The following ATG10 variants were observed in gnomAD, a reference collection of about 807,000 sequenced individuals.
ATG10 encodes the protein autophagy related 10.
ATG10 carries 30 observed loss-of-function variants against 32.1 expected under a neutral mutation model. That is an observed-to-expected ratio of 0.94 (90% CI 0.70 to 1.27). The LOEUF (loss-of-function observed/expected upper bound fraction) is 1.27. Among genes scored for constraint, ATG10 ranks in the 50% most tolerant of loss-of-function variants. The pLI is 0.00. For missense variants in ATG10, 233 were observed against 262.3 expected (o/e 0.89, Z 0.77); for synonymous variants, 87 against 91.5 (o/e 0.95, Z 0.28).
At chr5:82,045,014 G>A (rs1763194393) in intron 2 of ATG10, among the ~76,000 whole-genome samples, 1 of 152,074 alleles carries the variant, frequency 6.6e-6, no homozygotes, top group Non-Finnish European at 1.5e-5. Context: ...AATACTCAGG[G>A]CTCTGTTTGG....
chr5:82,219,012 C>A (rs560209536), intron 5 of ATG10, among the ~76,000 whole-genome samples: 25 of 152,144 alleles, frequency 1.6e-4, no homozygotes, highest in Non-Finnish European at 7.4e-5. Flanking sequence ...TGCTAAGGAA[C>A]CGTCGCTAAT....
intron 3 of ATG10, among the ~76,000 whole-genome samples, chr5:82,074,694 C>G (rs1443436449): frequency 2.0e-5 from 3 of 152,100 alleles, no homozygotes; most frequent in African/African-American, 7.2e-5. Flanking sequence ...TCTGGTTGCT[C>G]CAAAATGATT....
intron 1 of ATG10, among the ~76,000 whole-genome samples, 192 bp from the exon 2 acceptor site, chr5:81,987,367 C>T (rs189730041): frequency 3.9e-3 from 588 of 152,288 alleles, no homozygotes; most frequent in Admixed American, 7.1e-3. Flanking sequence ...TCAAGCTGTC[C>T]TCCTGCTTTG....
chr5:82,224,621 A>T (rs1326434495), intron 5 of ATG10, among the ~76,000 whole-genome samples: 2 of 152,160 alleles, frequency 1.3e-5, no homozygotes, highest in East Asian at 1.9e-4. Context: ...AGGGAAAGAG[A>T]TGCTTGTGAA....
At chr5:82,145,330 T>C (rs1767309147) in intron 3 of ATG10, among the ~76,000 whole-genome samples, 1 of 152,162 alleles carries the variant, frequency 6.6e-6, no homozygotes, top group African/African-American at 2.4e-5. Context: ...CTGTTATTCC[T>C]GTTTCCTCTT....
chr5:81,975,019 C>G (rs1328327678), intron 1 of ATG10, among the ~76,000 whole-genome samples: 1 of 152,120 alleles, frequency 6.6e-6, no homozygotes, highest in East Asian at 1.9e-4. Context: ...TTCCTTAGGT[C>G]AAATTACTAC....
intron 3 of ATG10, among the ~76,000 whole-genome samples, chr5:82,133,884 C>G (rs1459395747): frequency 6.6e-6 from 1 of 151,842 alleles, no homozygotes; most frequent in Non-Finnish European, 1.5e-5. Context: ...TTCGTGTCCT[C>G]TCTTATTTCC....
At chr5:82,132,872 C>G (rs1417448665) in intron 3 of ATG10, among the ~76,000 whole-genome samples, 2 of 152,140 alleles carry the variant, frequency 1.3e-5, no homozygotes, top group African/African-American at 4.8e-5. Flanking sequence ...TAAAAGCATT[C>G]CTATTTCTCC....
intron 4 of ATG10, among the ~76,000 whole-genome samples, chr5:82,172,319 T>A (rs1043637083): frequency 1.3e-4 from 20 of 152,220 alleles, no homozygotes; most frequent in Non-Finnish European, 7.3e-5. Context: ...AAACTTTAGT[T>A]CTGATTCCTA....
At chr5:82,092,994 G>A (rs1764941279) in intron 3 of ATG10, among the ~76,000 whole-genome samples, 1 of 152,120 alleles carries the variant, frequency 6.6e-6, no homozygotes, top group Non-Finnish European at 1.5e-5. Flanking sequence ...AGAAACTCAA[G>A]ATCCCGATAA....
chr5:82,110,742 T>C (rs897283770), intron 3 of ATG10, among the ~76,000 whole-genome samples: 1 of 152,038 alleles, frequency 6.6e-6, no homozygotes, highest in Admixed American at 6.6e-5. Flanking sequence ...TTCTCCCATT[T>C]TGTAGGTTGC....
intron 3 of ATG10, among the ~76,000 whole-genome samples, chr5:82,108,546 T>TA (rs1443385958): frequency 6.6e-6 from 1 of 152,056 alleles, no homozygotes; most frequent in Admixed American, 6.6e-5. Context: ...GATTTGAAGA[T>TA]ATATATTGAA....
intron 1 of ATG10, among the ~76,000 whole-genome samples, chr5:81,986,032 G>T (rs1761259334): frequency 6.6e-6 from 1 of 152,060 alleles, no homozygotes; most frequent in South Asian, 2.1e-4. Flanking sequence ...CCAAAGTGCT[G>T]GGATTACAGG....
intron 5 of ATG10, among the ~76,000 whole-genome samples, chr5:82,220,505 G>A (rs1399095502): frequency 6.6e-6 from 1 of 151,884 alleles, no homozygotes; most frequent in Non-Finnish European, 1.5e-5. Context: ...CTCGTGATCT[G>A]CCTGCCTCGG....
intron 3 of ATG10, among the ~76,000 whole-genome samples, chr5:82,114,309 C>G (rs1434446169): frequency 2.0e-5 from 3 of 152,004 alleles, no homozygotes; most frequent in Non-Finnish European, 4.4e-5. Flanking sequence ...GTTACTTACT[C>G]TCTGCCATGG....
rs11346832 is a variant in ATG10 at position 82,153,910 on chromosome 5, ATT to A, written c.217-10474_217-10473del. Reference sequence around the variant, plus strand: ...CGATGGCAACTGTGGCCTGCTGCCTATTTTTTTTTTTTTTTTCTCTTTAGAGA... The same window carrying A: ...CGATGGCAACTGTGGCCTGCTGCCTATTTTTTTTTTTTTTCTCTTTAGAGA... On this transcript the variant is annotated intron_variant, in intron 3 of 7. Coordinates refer to ENST00000282185, the MANE Select transcript of ATG10 (RefSeq NM_031482.5). Among the ~76,000 whole-genome samples the A allele has an allele frequency of 3.0e-3, 390 of 130,036 alleles. 4 individuals carry two copies. The highest frequency in any genetic ancestry group is 4.4e-3 in the Admixed American group (57 of 12,914). The allele number at this position is 130,036 out of a possible 152,430, so 85.3% of individuals were successfully genotyped here. A position where few individuals can be genotyped will look rare whatever the true frequency, so the allele number is the denominator to read the frequency against.
chr5:82,189,067 G>A (rs1028379832), intron 5 of ATG10, among the ~76,000 whole-genome samples: 36 of 152,092 alleles, frequency 2.4e-4, no homozygotes, highest in Non-Finnish European at 4.4e-4. Context: ...GTAAGCTGAT[G>A]TTATTTTTTT....
chr5:82,112,894 A>G (rs955066279), intron 3 of ATG10, among the ~76,000 whole-genome samples: 4 of 151,910 alleles, frequency 2.6e-5, no homozygotes, highest in Non-Finnish European at 5.9e-5. Flanking sequence ...TAAAATTGGT[A>G]TCAGCCTTGG....
intron 2 of ATG10, among the ~76,000 whole-genome samples, chr5:82,027,581 C>A (rs1427222788): frequency 6.6e-6 from 1 of 152,140 alleles, no homozygotes; most frequent in African/African-American, 2.4e-5. Flanking sequence ...AGTTCCCTAA[C>A]TCTATAAATA....
Sources: gnomAD v4.1 joint callset for allele counts (sites outside exome capture counted in the v4.1 genomes callset) on GRCh38, gnomAD v4.1.1 for gene constraint, MANE v1.5 for transcripts, NCBI Gene and HGNC (gene_info 2026-07-23, HGNC 2026-07-21) for gene names.